The following TIAM1 variants were observed in gnomAD, a reference collection of about 807,000 sequenced individuals.
TIAM1 encodes the protein TIAM Rac1 associated GEF 1, also known as rho guanine nucleotide exchange factor TIAM1.
TIAM1 carries 65 observed loss-of-function variants against 163.5 expected under a neutral mutation model. The observed-to-expected ratio is 0.40, with a 90% CI of 0.33 to 0.49. The LOEUF is 0.49. TIAM1 is among the 20% of genes least tolerant of loss of function. The pLI, the probability that TIAM1 is intolerant of heterozygous loss-of-function variation, is 0.77. For synonymous variants in TIAM1, 833 were observed against 810.1 expected, an observed-to-expected ratio of 1.03 and a Z score of -0.48; for missense variants, 1,789 against 2,044.7, an observed-to-expected ratio of 0.87 and a Z score of 2.41.
chr21:31,316,500 A>G (rs2075127471), intron 2 of TIAM1, among the ~76,000 whole-genome samples: 1 of 152,360 alleles, frequency 6.6e-6, no homozygotes, highest in East Asian at 1.9e-4. Flanking sequence ...AAACACTAAC[A>G]GTGCATTCTT....
At chr21:31,396,753 C>T (rs2077078750) in intron 2 of TIAM1, among the ~76,000 whole-genome samples, 1 of 151,856 alleles carries the variant, frequency 6.6e-6, no homozygotes, top group African/African-American at 2.4e-5. Flanking sequence ...AGCTCAAGAC[C>T]AGCCTGGCTT....
intron 20 of TIAM1, among the ~76,000 whole-genome samples, chr21:31,145,110 T>A (rs2083050443): frequency 6.6e-6 from 1 of 152,096 alleles, no homozygotes; most frequent in Non-Finnish European, 1.5e-5. Context: ...AGAAACACAC[T>A]GCACACACAG....
At chr21:31,227,968 T>C (rs1011271680) in intron 6 of TIAM1, among the ~76,000 whole-genome samples, 11 of 151,792 alleles carry the variant, frequency 7.2e-5, no homozygotes, top group Non-Finnish European at 1.2e-4. Context: ...AGTGGCGCGA[T>C]CTCAGTTCAC....
chr21:31,236,242 T>C (rs2088747012), intron 6 of TIAM1, among the ~76,000 whole-genome samples: 1 of 152,202 alleles, frequency 6.6e-6, no homozygotes, highest in Non-Finnish European at 1.5e-5. Context: ...TGATCCGGAG[T>C]GAGCCAAATT....
intron 2 of TIAM1, among the ~76,000 whole-genome samples, chr21:31,286,105 T>C (rs2073798828): frequency 6.6e-6 from 1 of 152,164 alleles, no homozygotes; most frequent in Admixed American, 6.6e-5. Flanking sequence ...GAAATTGTAA[T>C]AGGATCCTGT....
chr21:31,124,812 C>T (rs901662044), intron 26 of TIAM1, 118 bp from the exon 27 acceptor site: 1 of 808,590 alleles, frequency 1.2e-6, no homozygotes. Context: ...AAGACTGAGG[C>T]CTTGACTCCA....
At chr21:31,125,477 G>T (rs1002401934) in intron 26 of TIAM1, among the ~76,000 whole-genome samples, 2 of 152,142 alleles carry the variant, frequency 1.3e-5, no homozygotes, top group Admixed American at 6.5e-5. Flanking sequence ...ACAGCTTCCC[G>T]GGGATCTGCC....
intron 15 of TIAM1, among the ~76,000 whole-genome samples, chr21:31,181,753 CTTCTTTTTTTTTTTTTTTTTTTTT>C (rs1568980528): frequency 0.017 from 669 of 39,476 alleles, 64 homozygotes; most frequent in Middle Eastern, 0.054. Context: ...TCTTCTTCTT[CTTCTTTTTTTTTTTTTTTTTTTTT>C]TTTTTTTTTT....
intron 2 of TIAM1, among the ~76,000 whole-genome samples, chr21:31,435,914 C>G (rs989281888): frequency 6.6e-6 from 1 of 152,182 alleles, no homozygotes; most frequent in Non-Finnish European, 1.5e-5. Context: ...CAAGAAGGCC[C>G]TCACCAGATG....
intron 2 of TIAM1, among the ~76,000 whole-genome samples, chr21:31,436,158 T>C (rs2147289552): frequency 6.6e-6 from 1 of 152,270 alleles, no homozygotes; most frequent in Non-Finnish European, 1.5e-5. Flanking sequence ...CAACACTTAC[T>C]GCACTATGGT....
intron 2 of TIAM1, among the ~76,000 whole-genome samples, chr21:31,292,652 G>A (rs1338177573): frequency 4.8e-5 from 7 of 147,178 alleles, no homozygotes; most frequent in Non-Finnish European, 8.9e-5. Flanking sequence ...TTACAGGCAT[G>A]AGCCACCGTG....
chr21:31,553,746 C>A (rs1214879089), intron 1 of TIAM1, among the ~76,000 whole-genome samples: 1 of 151,980 alleles, frequency 6.6e-6, no homozygotes, highest in East Asian at 1.9e-4. Context: ...GCAGGTCAGA[C>A]CCTCACCCCT....
intron 1 of TIAM1, among the ~76,000 whole-genome samples, chr21:31,501,733 G>T (rs1295784797): frequency 2.0e-5 from 3 of 152,182 alleles, no homozygotes; most frequent in Non-Finnish European, 4.4e-5. Context: ...CTCCAGAGTA[G>T]CTGGGATTAC....
At chr21:31,477,870 G>A (rs998503648) in intron 1 of TIAM1, among the ~76,000 whole-genome samples, 4 of 152,182 alleles carry the variant, frequency 2.6e-5, no homozygotes, top group African/African-American at 9.7e-5. Context: ...GAAGTCTAAT[G>A]ACTCTCCGTG....
rs148477723 is a variant in TIAM1, at chr21:31,189,629, C to T, written c.2576-2542G>A. ...AAGTGAATAGCACATTAGCTCTGTA[C>T]TGGAATTCATATTGGACACCAGTTT... On this transcript the variant is annotated intron_variant, in intron 13 of 27. Transcript: ENST00000541036. Among the ~76,000 whole-genome samples, 84 of 152,170 alleles carry T rather than the reference C, an allele frequency of 5.5e-4. 1 individual carries two copies. The highest frequency in any genetic ancestry group is 2.0e-3 in the African/African-American group (81 of 41,522).
chr21:31,374,912 A>G (rs953826409), intron 2 of TIAM1, among the ~76,000 whole-genome samples: 2 of 152,216 alleles, frequency 1.3e-5, no homozygotes, highest in African/African-American at 4.8e-5. Context: ...TTAAATTTCT[A>G]TTTTCAACCA....
chr21:31,267,124 C>T (rs1226819484), intron 3 of TIAM1, 141 bp from the exon 4 acceptor site: 6 of 1,169,354 alleles, frequency 5.1e-6, no homozygotes, highest in Non-Finnish European at 7.0e-6. Context: ...GCACAACTTC[C>T]TATATGCACC....
chr21:31,256,757 A>G (rs2072133958), intron 4 of TIAM1, among the ~76,000 whole-genome samples: 1 of 152,166 alleles, frequency 6.6e-6, no homozygotes, highest in Non-Finnish European at 1.5e-5. Flanking sequence ...CAATTTCTTG[A>G]TATGTATAAT....
upstream of TIAM1, among the ~76,000 whole-genome samples, chr21:31,345,385 C>A (rs1186883636): frequency 6.6e-6 from 1 of 151,624 alleles, no homozygotes; most frequent in Non-Finnish European, 1.5e-5. Context: ...AAACAGTACT[C>A]TAAAAAGGGA....
Sources: allele counts gnomAD v4.1 joint callset (sites outside exome capture counted in the v4.1 genomes callset), GRCh38; gene constraint gnomAD v4.1.1; transcripts MANE v1.5; gene names NCBI Gene and HGNC (gene_info 2026-07-23, HGNC 2026-07-21).